GALNT10: variants seen among roughly 807,000 people sequenced by gnomAD.
GALNT10 encodes polypeptide N-acetylgalactosaminyltransferase 10, also known as GalNAc transferase 10.
A neutral mutation model predicts 75.0 loss-of-function variants in GALNT10; 41 were observed. The ratio of observed to expected loss-of-function variants is 0.55; its 90% CI spans 0.43 to 0.71. GALNT10 has a LOEUF of 0.71. GALNT10 is among the 30% of genes least tolerant of loss of function. The pLI, the probability that GALNT10 is intolerant of heterozygous loss-of-function variation, is 0.00. For missense variants in GALNT10, 727 were observed against 818.5 expected (o/e 0.89, Z 1.36); for synonymous variants, 302 against 313.0 (o/e 0.96, Z 0.37).
intron 7 of GALNT10, among the ~76,000 whole-genome samples, chr5:154,398,719 G>A (rs911516029): frequency 2.2e-4 from 34 of 152,318 alleles, no homozygotes; most frequent in African/African-American, 7.0e-4. Context: ...GGTTGCAGAT[G>A]TCCCCATTCC....
chr5:154,299,216 G>A (rs1486306107), intron 3 of GALNT10, among the ~76,000 whole-genome samples: 2 of 152,194 alleles, frequency 1.3e-5, no homozygotes, highest in African/African-American at 4.8e-5. Context: ...AGATTCTTGG[G>A]CCCCAGCCCA....
intron 1 of GALNT10, among the ~76,000 whole-genome samples, chr5:154,290,199 C>G (rs564974677): frequency 6.8e-6 from 1 of 148,066 alleles, no homozygotes; most frequent in South Asian, 2.1e-4. Flanking sequence ...TCAAGTGATT[C>G]TACTGCCTCA....
chr5:154,267,441 G>A (rs1753796075), intron 1 of GALNT10, among the ~76,000 whole-genome samples: 1 of 152,194 alleles, frequency 6.6e-6, no homozygotes, highest in Admixed American at 6.5e-5. Flanking sequence ...AGGATGCCAG[G>A]AAACACATAG....
In GALNT10 at chr5:154,376,449, T is replaced by TC; in HGVS notation, c.747dup (p.Leu251AlafsTer2). 6.3e-7 allele frequency: 1 copy of TC among 1,576,348 alleles called. No individual in the cohort carries two copies. The highest frequency in any genetic ancestry group is 8.6e-7 in the Non-Finnish European group (1 of 1,165,720). ...ACTGTGAAGCCAATGTCAACTGGCT[T>TC]CCCCCCTTGCTTGGTAAGGGAGCCC... On this transcript the variant is annotated frameshift_variant, in exon 5 of 12. Coordinates refer to ENST00000297107, the MANE Select transcript of GALNT10 (RefSeq NM_198321.4). LOFTEE classifies it high-confidence loss of function. The surrounding 1 kb of genome is among the most constrained non-coding windows in gnomAD (Gnocchi z 4.1).
chr5:154,405,436 C>A (rs1386242328), intron 8 of GALNT10, among the ~76,000 whole-genome samples: 2 of 152,188 alleles, frequency 1.3e-5, no homozygotes, highest in African/African-American at 4.8e-5. Context: ...GCGCTGCCCA[C>A]AGCCCCATCC....
chr5:154,375,173 C>G (rs1172726662), intron 4 of GALNT10, among the ~76,000 whole-genome samples: 1 of 152,182 alleles, frequency 6.6e-6, no homozygotes, highest in Non-Finnish European at 1.5e-5. Context: ...GGCCGTATGT[C>G]TAATCCTTAT....
chr5:154,347,085 A>T, intron 4 of GALNT10: 1 of 491,500 alleles, frequency 2.0e-6, no homozygotes, highest in South Asian at 1.5e-5. Flanking sequence ...GAGAACAGTA[A>T]TAAATGTCAC....
chr5:154,394,004 G>A (rs556003202), intron 7 of GALNT10, among the ~76,000 whole-genome samples: 12 of 152,330 alleles, frequency 7.9e-5, no homozygotes, highest in African/African-American at 2.2e-4. Flanking sequence ...GCCTGAGGCC[G>A]CCAAGAGCAA....
At chr5:154,245,345 G>A (rs958514272) in intron 1 of GALNT10, among the ~76,000 whole-genome samples, 1 of 152,186 alleles carries the variant, frequency 6.6e-6, no homozygotes, top group Non-Finnish European at 1.5e-5. Context: ...GTTGTGCATT[G>A]AGCACTTAGC....
rs1756518520 is a variant in GALNT10 at position 154,416,703 on chromosome 5, C to T, written c.1654-111C>T. 2.5e-6 allele frequency: 2 copies of T among 794,498 alleles called. No homozygotes were observed. The highest frequency in any genetic ancestry group is 1.6e-5 in the South Asian group (1 of 63,608). 49.2% of individuals were successfully genotyped at this position (794,498 alleles called of 1,614,324 possible). On this transcript the variant is annotated intron_variant, in intron 11 of 11. Coordinates refer to ENST00000297107, the MANE Select transcript of GALNT10 (RefSeq NM_198321.4). The surrounding 1 kb of genome is among the most constrained non-coding windows in gnomAD (Gnocchi z 4.5). ...GGAGGAAAACCAACAGGTGTATGAA[C>T]AGCTAGTCAGTCAGTCACTTCCTCA...
intron 1 of GALNT10, among the ~76,000 whole-genome samples, chr5:154,244,574 G>A (rs538867837): frequency 9.9e-5 from 15 of 152,282 alleles, no homozygotes; most frequent in African/African-American, 2.2e-4. Context: ...GTGCTTATCC[G>A]TGTAATAAGT....
chr5:154,418,162 A>T lies in GALNT10; in HGVS notation c.*1190A>T, dbSNP rs769663844. 1 of 152,248 alleles carries T rather than the reference A, an allele frequency of 6.6e-6. No individual in the cohort carries two copies. The highest frequency in any genetic ancestry group is 1.5e-5 in the Non-Finnish European group (1 of 68,068). The allele number at this position is 152,248 out of a possible 1,614,324, so 9.4% of individuals were successfully genotyped here. On this transcript the variant is annotated 3_prime_UTR_variant, in exon 12 of 12. Transcript: ENST00000297107. ...CCCCCAGCCTAGAGACAATCTGTGA[A>T]ATCCAAAGTTGGTGGTGTTGGGAAA...
At chr5:154,237,316 T>A (rs1753262569) in intron 1 of GALNT10, among the ~76,000 whole-genome samples, 1 of 152,168 alleles carries the variant, frequency 6.6e-6, no homozygotes, top group Non-Finnish European at 1.5e-5. Flanking sequence ...GACTGTGAAA[T>A]TATTTGGGAT....
chr5:154,223,463 T>A (rs146122173), intron 1 of GALNT10, among the ~76,000 whole-genome samples: 222 of 152,328 alleles, frequency 1.5e-3, no homozygotes, highest in African/African-American at 5.0e-3. Flanking sequence ...TAGACTGTAT[T>A]AAGGAACTAT....
chr5:154,209,189 G>A (rs1053956794), intron 1 of GALNT10, among the ~76,000 whole-genome samples: 3 of 152,230 alleles, frequency 2.0e-5, no homozygotes, highest in Admixed American at 1.3e-4. Flanking sequence ...GACATGGAGA[G>A]GCCATGCACG....
At chr5:154,342,083 C>A (rs1755040153) in intron 4 of GALNT10, among the ~76,000 whole-genome samples, 1 of 152,122 alleles carries the variant, frequency 6.6e-6, no homozygotes, top group African/African-American at 2.4e-5. Flanking sequence ...ATCATTCCTT[C>A]AGTGGTTGTT....
chr5:154,357,568 C>A (rs1375364818), intron 4 of GALNT10, among the ~76,000 whole-genome samples: 1 of 152,146 alleles, frequency 6.6e-6, no homozygotes, highest in Admixed American at 6.5e-5. Context: ...CCCCATCAAC[C>A]TCCTTATTTG....
chr5:154,198,192 A>G (rs973193147), intron 1 of GALNT10, among the ~76,000 whole-genome samples: 6 of 152,194 alleles, frequency 3.9e-5, no homozygotes, highest in African/African-American at 1.4e-4. Context: ...TTGGAGCTAC[A>G]CTGCCTGATT....
chr5:154,404,042 C>A (rs1414823941), intron 7 of GALNT10, 62 bp from the exon 8 acceptor site: 3 of 1,304,680 alleles, frequency 2.3e-6, no homozygotes, highest in East Asian at 4.6e-5. Context: ...GGGATGCTGG[C>A]CTGGCGGGAT....
Sources: gnomAD v4.1 joint callset for allele counts (sites outside exome capture counted in the v4.1 genomes callset) on GRCh38, gnomAD v4.1.1 for gene constraint, Gnocchi (gnomAD v3.1) non-coding constraint, MANE v1.5 for transcripts, NCBI Gene and HGNC (gene_info 2026-07-23, HGNC 2026-07-21) for gene names.